Variants in DHX37 observed in about 807,000 individuals in gnomAD.
DHX37 encodes DEAH-box helicase 37.
DHX37 carries 52 observed loss-of-function variants against 134.3 expected under a neutral mutation model. The ratio of observed to expected loss-of-function variants is 0.39; its 90% CI spans 0.31 to 0.49. The LOEUF is 0.49. Ranked by LOEUF, DHX37 falls within the 20% of genes least tolerant of loss-of-function variation. The probability of loss-of-function intolerance (pLI) is 0.93; values close to 1 mark genes in which losing one functional copy is unlikely to be tolerated. For missense variants in DHX37, 1,344 were observed against 1,580.8 expected (o/e 0.85, Z 2.54); for synonymous variants, 634 against 670.7 (o/e 0.95, Z 0.85).
chr12:124,949,871 A>C lies in DHX37; in HGVS notation c.3290+115T>G. 8.4e-7 allele frequency: 1 copy of C among 1,185,050 alleles called. No homozygotes were observed. The highest frequency in any genetic ancestry group is 1.5e-5 in the South Asian group (1 of 67,574). 73.4% of individuals were successfully genotyped at this position (1,185,050 alleles called of 1,614,324 possible). A position where few individuals can be genotyped will look rare whatever the true frequency, so the allele number is the denominator to read the frequency against. On this transcript the variant is annotated intron_variant, in intron 25 of 26. Coordinates refer to ENST00000308736, the MANE Select transcript of DHX37 (RefSeq NM_032656.4). This position sits in a 1 kb window ranked among gnomAD's most constrained non-coding sequence, Gnocchi z 4.0. Reference sequence around the variant, plus strand: ...GCAGAGCCTTCAGACCTGAGCACAGACTTCTGATGTTTTAAGCCTCCCTGT... The same window carrying C: ...GCAGAGCCTTCAGACCTGAGCACAGCCTTCTGATGTTTTAAGCCTCCCTGT...
chr12:124,964,994 T>A lies in DHX37; in HGVS notation c.1748A>T (p.Asp583Val). The stretch of plus-strand genomic sequence containing the variant: ...GAGCACGTGGAGCGGGAGGGAGGCA[T>A]CCGGCTGCTCACCTGGAGGGAAAGC... ...DGGQDGGEQP[D>V]ASLPLHVLPL... The change falls in exon 14 of 27, where the codon GAT (aspartate) becomes GTT (valine). Residue 583 changes from aspartate (D) to valine (V), a missense_variant. By Grantham distance (152) the Asp-to-Val change is radical. Around this residue, in one of 7 missense-constraint regions of DHX37, gnomAD observed 289 missense variants for 323.8 expected, o/e 0.89. Coordinates refer to ENST00000308736, the MANE Select transcript of DHX37 (RefSeq NM_032656.4). 1 of 1,595,746 alleles carries A rather than the reference T, an allele frequency of 6.3e-7. No individual in the cohort carries two copies. The highest frequency in any genetic ancestry group is 8.5e-7 in the Non-Finnish European group (1 of 1,173,044).
chr12:124,983,849 G>A (rs534132021), intron 2 of DHX37, among the ~76,000 whole-genome samples: 56 of 151,972 alleles, frequency 3.7e-4, no homozygotes, highest in Admixed American at 1.6e-3. Flanking sequence ...AAGGCTCTGG[G>A]GACTGCCCAT....
At position 124,964,990 on chromosome 12, in the gene DHX37, G is replaced by T; in HGVS notation, c.1752C>A (p.Ala584=). 6.3e-7 allele frequency: 1 copy of T among 1,597,244 alleles called. No individual in the cohort carries two copies. Residue 584 remains alanine, a synonymous_variant, in exon 14 of 27, where the codon GCC becomes GCA. Coordinates refer to ENST00000308736, the MANE Select transcript of DHX37 (RefSeq NM_032656.4). ...GGQDGGEQPD[A]SLPLHVLPLY... is the part of the protein sequence containing the mutation. Reference sequence around the variant, plus strand: ...GCGGGAGCACGTGGAGCGGGAGGGAGGCATCCGGCTGCTCACCTGGAGGGA... The same window carrying T: ...GCGGGAGCACGTGGAGCGGGAGGGATGCATCCGGCTGCTCACCTGGAGGGA...
At chr12:124,969,391 G>A (rs1022686515) in intron 8 of DHX37, among the ~76,000 whole-genome samples, 12 of 152,172 alleles carry the variant, frequency 7.9e-5, no homozygotes, top group Non-Finnish European at 1.2e-4. Flanking sequence ...GCCTCATGGT[G>A]AGCTCTGCTT....
At chr12:124,960,881 G>A (rs1466070372) in intron 15 of DHX37, among the ~76,000 whole-genome samples, 2 of 152,236 alleles carry the variant, frequency 1.3e-5, no homozygotes, top group African/African-American at 2.4e-5. Context: ...CTTGAACCCA[G>A]GAGGCAAAGG....
intron 5 of DHX37, among the ~76,000 whole-genome samples, chr12:124,975,949 A>G (rs1057263098): frequency 6.6e-6 from 1 of 152,122 alleles, no homozygotes; most frequent in African/African-American, 2.4e-5. Flanking sequence ...ACAACAGGAG[A>G]GCTCCTTCCA....
At position 124,980,723 on chromosome 12, in the gene DHX37, A is replaced by G; in HGVS notation, c.505T>C (p.Ser169Pro). ...GACTCCTCCTCCAGCTCCGATTCCG[A>G]CTCCTCCTCCTCCTCCTCCTCCTCC... ...AEEEEEEEEE[S>P]ESELEEESEL... The change falls in exon 4 of 27, where the codon TCG becomes CCG. Residue 169 changes from serine to proline, a missense_variant. This residue lies in a region of DHX37 where 319 missense variants were observed against 296.1 expected (regional missense o/e 1.08). Transcript: ENST00000308736. The surrounding 1 kb of genome is among the most constrained non-coding windows in gnomAD (Gnocchi z 5.3). The G allele has an allele frequency of 6.5e-7, 1 of 1,533,290 alleles. No homozygotes were observed. The highest frequency in any genetic ancestry group is 2.5e-5 in the East Asian group (1 of 40,194). 95.0% of individuals were successfully genotyped at this position (1,533,290 alleles called of 1,614,324 possible).
In DHX37 at chr12:124,967,233, G is replaced by C. The variant is rs767280997; in HGVS notation, c.1409-15C>G. On this transcript the variant is annotated splice_polypyrimidine_tract_variant and intron_variant, in intron 10 of 26. Transcript: ENST00000308736. ...CAGGATGCCACCTGTGGAAAGAATGGGCCCCTCTGTTATCCATCAGTCACT... is the reference window on the plus strand; with the variant it reads ...CAGGATGCCACCTGTGGAAAGAATGCGCCCCTCTGTTATCCATCAGTCACT... 1.2e-6 allele frequency: 2 copies of C among 1,612,356 alleles called. No homozygotes were observed. Among genetic ancestry groups the C allele is most frequent in the Non-Finnish European group, 1.7e-6 (2 of 1,179,522 alleles).
At position 124,988,940 on chromosome 12, in the gene DHX37, G is replaced by T; in HGVS notation, c.83C>A (p.Pro28His). The T allele has an allele frequency of 1.5e-6, 2 of 1,338,646 alleles. No homozygotes were observed. The highest frequency in any genetic ancestry group is 1.9e-6 in the Non-Finnish European group (2 of 1,035,396). 82.9% of individuals were successfully genotyped at this position (1,338,646 alleles called of 1,614,324 possible). A position where few individuals can be genotyped will look rare whatever the true frequency, so the allele number is the denominator to read the frequency against. ...PGPSKGPPEP[P>H]PVQLELEDKD... ...ACCCTCCAGTTCCAGCTGCACGGGGGGCGGCTCGGGGGGGCCCTTCGAGGG... is the reference window on the plus strand; with the variant it reads ...ACCCTCCAGTTCCAGCTGCACGGGGTGCGGCTCGGGGGGGCCCTTCGAGGG... The change falls in exon 1 of 27, where the codon CCC becomes CAC. Residue 28 changes from proline to histidine, a missense_variant. Pro to His is a moderately conservative substitution (Grantham distance 77). Coordinates refer to ENST00000308736, the MANE Select transcript of DHX37 (RefSeq NM_032656.4).
At chr12:124,955,223 G>A (rs1954068324) in intron 18 of DHX37, among the ~76,000 whole-genome samples, 1 of 152,212 alleles carries the variant, frequency 6.6e-6, no homozygotes, top group Admixed American at 6.5e-5. Flanking sequence ...CTGGCATAAA[G>A]CTACTGCCCT....
At chr12:124,983,677 C>T (rs1191172601) in intron 2 of DHX37, among the ~76,000 whole-genome samples, 2 of 150,936 alleles carry the variant, frequency 1.3e-5, no homozygotes, top group South Asian at 2.1e-4. Flanking sequence ...ACCAGCTACC[C>T]GGGAGGCTGA....
chr12:124,984,499 C>T (rs1352176417), intron 2 of DHX37, among the ~76,000 whole-genome samples: 1 of 152,052 alleles, frequency 6.6e-6, no homozygotes, highest in Non-Finnish European at 1.5e-5. Context: ...TGCCATTGCA[C>T]TCCAGCCTGG....
intron 2 of DHX37, 69 bp from the exon 3 acceptor site, chr12:124,982,692 G>C (rs12424339): frequency 0.35 from 552,317 of 1,565,946 alleles, 99,551 homozygotes; most frequent in African/African-American, 0.47. Flanking sequence ...AAGTGAGACT[G>C]TAATAAAATT....
At chr12:124,954,347 G>A (rs1361109151) in intron 18 of DHX37, 136 bp from the exon 19 acceptor site, 2 of 1,338,020 alleles carry the variant, frequency 1.5e-6, no homozygotes, top group Non-Finnish European at 2.0e-6. Context: ...AAGGTATTAA[G>A]GTCCAGCTCA....
At chr12:124,972,113 G>A (rs1263167739) in intron 7 of DHX37, among the ~76,000 whole-genome samples, 1 of 152,208 alleles carries the variant, frequency 6.6e-6, no homozygotes, top group Non-Finnish European at 1.5e-5. Context: ...CTCCCAAGAG[G>A]GGGCTGTGTC....
intron 4 of DHX37, among the ~76,000 whole-genome samples, chr12:124,979,158 G>C (rs1357351176): frequency 6.6e-6 from 1 of 151,972 alleles, no homozygotes; most frequent in Admixed American, 6.6e-5. Context: ...CCTGAGCTTG[G>C]GAGTTCAAGA....
chr12:124,965,607 C>G, intron 13 of DHX37, 61 bp downstream of exon 13: 1 of 1,518,154 alleles, frequency 6.6e-7, no homozygotes, highest in Non-Finnish European at 8.9e-7. Context: ...CACAAGGGCT[C>G]TGGGCACATC....
intron 2 of DHX37, among the ~76,000 whole-genome samples, chr12:124,985,176 C>T (rs1565895639): frequency 6.6e-6 from 1 of 152,116 alleles, no homozygotes; most frequent in Non-Finnish European, 1.5e-5. Flanking sequence ...TTCTATTGTC[C>T]TAAGCCCCTC....
chr12:124,947,606 C>T lies in DHX37; in HGVS notation c.*196G>A. ...ATAATAAACAGTTCAAAAAGTCACC[C>T]CCGGGCCAGATGGCACGGGCGGCAG... On this transcript the variant is annotated 3_prime_UTR_variant, in exon 27 of 27. Transcript: ENST00000308736. 4.8e-6 allele frequency: 3 copies of T among 629,654 alleles called. 1 individual carries two copies. In the South Asian group the frequency reaches 7.4e-5, roughly 16 times the overall value. 39.0% of individuals were successfully genotyped at this position (629,654 alleles called of 1,614,324 possible). A position where few individuals can be genotyped will look rare whatever the true frequency, so the allele number is the denominator to read the frequency against.
Sources: allele counts gnomAD v4.1 joint callset (sites outside exome capture counted in the v4.1 genomes callset), GRCh38; gene constraint gnomAD v4.1.1; regional missense constraint gnomAD v4.1.1; non-coding constraint Gnocchi (gnomAD v3.1); transcripts MANE v1.5; gene names NCBI Gene and HGNC (gene_info 2026-07-23, HGNC 2026-07-21).